WBP2: variants seen among roughly 807,000 people sequenced by gnomAD.
WBP2 encodes the protein WW domain binding protein 2, also known as WW domain-binding protein 2.
In WBP2, 23 loss-of-function variants were observed where a neutral mutation model predicts 33.0. The observed-to-expected ratio is 0.70, with a 90% CI of 0.50 to 0.99. The LOEUF is 0.99. Ranked by LOEUF, WBP2 falls within the 50% of genes least tolerant of loss-of-function variation. WBP2 has a pLI of 0.00. For missense variants in WBP2, 353 were observed against 358.0 expected (o/e 0.99, Z 0.11); for synonymous variants, 153 against 133.5 (o/e 1.15, Z -1.01).
At chr17:75,848,918 C>T (rs1470564693) in intron 3 of WBP2, 5 of 542,568 alleles carry the variant, frequency 9.2e-6, no homozygotes, top group Middle Eastern at 5.0e-4. Flanking sequence ...TGGAACAAGC[C>T]TGTCCTCCCA....
In WBP2 at chr17:75,851,585, A is replaced by G; in HGVS notation, c.151T>C (p.Tyr51His). The change falls in exon 2 of 8, where the codon TAC (tyrosine) becomes CAC (histidine). Residue 51 changes from tyrosine (Y) to histidine (H), a missense_variant. Physicochemically the swap from Tyr to His is moderately conservative, Grantham distance 83 (BLOSUM62 2). Coordinates refer to ENST00000254806, the MANE Select transcript of WBP2 (RefSeq NM_012478.4). Reference protein sequence around the residue: ...AFKGTKKGTVYLTPYRVIFLS... With the variant: ...AFKGTKKGTVHLTPYRVIFLS... ...CAACTCACCCGGTAAGGGGTAAGGTAGACAGTGCCTTTCTTGGTCCCTTTG... is the reference window on the plus strand; with the variant it reads ...CAACTCACCCGGTAAGGGGTAAGGTGGACAGTGCCTTTCTTGGTCCCTTTG... 6.2e-7 allele frequency: 1 copy of G among 1,613,498 alleles called. No individual in the cohort carries two copies. Among genetic ancestry groups the G allele is most frequent in the African/African-American group, 1.3e-5 (1 of 75,050 alleles).
At chr17:75,855,820 G>A (rs2065055624), upstream of WBP2, among the ~76,000 whole-genome samples, 1 of 152,266 alleles carries the variant, frequency 6.6e-6, no homozygotes, top group African/African-American at 2.4e-5. Context: ...CTCAGCAGAC[G>A]TTTATGGGGC....
At chr17:75,850,126 A>G (rs769671657) in intron 2 of WBP2, among the ~76,000 whole-genome samples, 27 of 152,212 alleles carry the variant, frequency 1.8e-4, no homozygotes, top group Non-Finnish European at 3.2e-4. Context: ...TGAACTCTCC[A>G]GAACTGAGAA....
rs1156559904 is a variant in WBP2 at position 75,847,619 on chromosome 17, G to A, written c.533-10C>T. On this transcript the variant is annotated splice_polypyrimidine_tract_variant and intron_variant, in intron 5 of 7. Coordinates refer to ENST00000254806, the MANE Select transcript of WBP2 (RefSeq NM_012478.4). Reference sequence around the variant, plus strand: ...GGTCCTGGATAGAACTCTGCTCGGTGAGAGAGTAACAAGGACATGGTGAGC... The same window carrying A: ...GGTCCTGGATAGAACTCTGCTCGGTAAGAGAGTAACAAGGACATGGTGAGC... 22 of 1,612,910 alleles carry A rather than the reference G, an allele frequency of 1.4e-5. No homozygotes were observed. The highest frequency in any genetic ancestry group is 1.9e-5 in the Non-Finnish European group (22 of 1,179,738).
In WBP2 at chr17:75,846,423, A is replaced by G; in HGVS notation, c.*311T>C. ...GGACTGCGGTGGAGGAGGTGGCCAG[A>G]GAGTCCCTTCGAGGGGAGAAGCTGA... On this transcript the variant is annotated 3_prime_UTR_variant, in exon 8 of 8. Coordinates refer to ENST00000254806, the MANE Select transcript of WBP2 (RefSeq NM_012478.4). The surrounding 1 kb of genome is among the most constrained non-coding windows in gnomAD (Gnocchi z 4.8). 1 of 443,556 alleles carries G rather than the reference A, an allele frequency of 2.3e-6. No homozygotes were observed. The highest frequency in any genetic ancestry group is 4.0e-5 in the Admixed American group (1 of 25,240). The allele number at this position is 443,556 out of a possible 1,614,324, so 27.5% of individuals were successfully genotyped here. A position where few individuals can be genotyped will look rare whatever the true frequency, so the allele number is the denominator to read the frequency against.
chr17:75,850,306 C>T (rs1475702114), intron 2 of WBP2, among the ~76,000 whole-genome samples: 7 of 150,458 alleles, frequency 4.7e-5, no homozygotes, highest in South Asian at 2.1e-4. Flanking sequence ...AGTGCAGTGG[C>T]GCGATCTTGG....
intron 1 of WBP2, 122 bp downstream of exon 1, chr17:75,855,117 C>G (rs943218032): frequency 1.0e-5 from 8 of 784,160 alleles, no homozygotes. Flanking sequence ...AGCCGTTCCC[C>G]ACCAACCTCA....
At chr17:75,853,600 C>T (rs1311360918) in intron 1 of WBP2, among the ~76,000 whole-genome samples, 1 of 152,144 alleles carries the variant, frequency 6.6e-6, no homozygotes, top group South Asian at 2.1e-4. Flanking sequence ...GGCCTGGGAA[C>T]TGACTCACAC....
chr17:75,847,335 C>CTT, intron 6 of WBP2, 152 bp downstream of exon 6: 4 of 1,281,168 alleles, frequency 3.1e-6, no homozygotes, highest in Non-Finnish European at 4.3e-6. Context: ...TCCGCTCCAC[C>CTT]AGGCCACAGC....
chr17:75,847,319 T>C, intron 6 of WBP2, 168 bp downstream of exon 6: 1 of 1,159,218 alleles, frequency 8.6e-7, no homozygotes, highest in Middle Eastern at 2.7e-4. Flanking sequence ...GGGGCCAGAA[T>C]CTAGCTCCGC....
At position 75,848,550 on chromosome 17, in the gene WBP2, A is replaced by G; in HGVS notation, c.397+20T>C. ...CATGTTTAGTGTGTCTTTAGCCCCT[A>G]ATCTTCGGAGCCTGGATACCTTGAG... On this transcript the variant is annotated intron_variant, in intron 4 of 7. Transcript: ENST00000254806. 2 of 1,610,190 alleles carry G rather than the reference A, an allele frequency of 1.2e-6. No individual in the cohort carries two copies. The highest frequency in any genetic ancestry group is 1.3e-5 in the African/African-American group (1 of 74,892).
intron 6 of WBP2, 179 bp from the exon 7 acceptor site, chr17:75,847,163 C>T: frequency 1.4e-6 from 1 of 708,678 alleles, no homozygotes; most frequent in Admixed American, 2.6e-5. Flanking sequence ...CTTTCCAGGC[C>T]CATCGCATGT....
At position 75,855,226 on chromosome 17, in the gene WBP2, G is replaced by A. The variant is rs747018692; in HGVS notation, c.59+13C>T. On this transcript the variant is annotated intron_variant, in intron 1 of 7. Coordinates refer to ENST00000254806, the MANE Select transcript of WBP2 (RefSeq NM_012478.4). The stretch of plus-strand genomic sequence containing the variant: ...AACTTTGGTCCTCCAGGATCCTTCC[G>A]CAGTGTTTTCACCTCTCGGTGTTAT... The A allele has an allele frequency of 6.9e-6, 10 of 1,444,332 alleles. No homozygotes were observed. Among genetic ancestry groups the A allele is most frequent in the Non-Finnish European group, 8.3e-6 (9 of 1,082,014 alleles). The allele number at this position is 1,444,332 out of a possible 1,614,324, so 89.5% of individuals were successfully genotyped here.
chr17:75,846,912 G>A lies in WBP2; in HGVS notation c.728C>T (p.Pro243Leu). Reference sequence around the variant, plus strand: ...GGCACTGCCAAGCCCTCTCACCGTGGGCATGTAGACGTTGTGAGGATTGCC... The same window carrying A: ...GGCACTGCCAAGCCCTCTCACCGTGAGCATGTAGACGTTGTGAGGATTGCC... ...NPGNPHNVYMPTSQPPPPPYY... is the reference protein window; with the variant it reads ...NPGNPHNVYMLTSQPPPPPYY... The change falls in exon 7 of 8, where the codon CCC (proline) becomes CTC (leucine). Residue 243 changes from proline (P) to leucine (L), a missense_variant. By Grantham distance (98) the Pro-to-Leu change is moderately conservative (BLOSUM62 -3). Coordinates refer to ENST00000254806, the MANE Select transcript of WBP2 (RefSeq NM_012478.4). The surrounding 1 kb of genome is among the most constrained non-coding windows in gnomAD (Gnocchi z 4.8). 2.5e-6 allele frequency: 4 copies of A among 1,614,140 alleles called. No individual in the cohort carries two copies. Among genetic ancestry groups the A allele is most frequent in the East Asian group, 2.2e-5 (1 of 44,878 alleles).
chr17:75,849,994 G>A (rs1189982951), intron 2 of WBP2, among the ~76,000 whole-genome samples: 7 of 152,200 alleles, frequency 4.6e-5, no homozygotes, highest in Admixed American at 4.6e-4. Flanking sequence ...AGGGCAGACT[G>A]CTTTGTCACT....
chr17:75,851,790 T>A (rs2065029368), intron 1 of WBP2, 114 bp from the exon 2 acceptor site: 1 of 755,760 alleles, frequency 1.3e-6, no homozygotes, highest in Admixed American at 1.9e-5. Context: ...TCATAACCTC[T>A]CAATAGTGCG....
rs1442392226 is a variant in WBP2, at chr17:75,846,924, T to C, written c.716A>G (p.Asn239Ser). 3.1e-6 allele frequency: 5 copies of C among 1,613,914 alleles called. No homozygotes were observed. The highest frequency in any genetic ancestry group is 4.2e-6 in the Non-Finnish European group (5 of 1,179,984). The change falls in exon 7 of 8, where the codon AAC (asparagine) becomes AGC (serine). Residue 239 changes from asparagine (N) to serine (S), a missense_variant. Asn to Ser is a conservative substitution (Grantham distance 46, BLOSUM62 1). Transcript: ENST00000254806. This position sits in a 1 kb window ranked among gnomAD's most constrained non-coding sequence, Gnocchi z 4.8. ...CCCTCTCACCGTGGGCATGTAGACG[T>C]TGTGAGGATTGCCTGGGTTGTAATA... ...SAYYNPGNPHNVYMPTSQPPP... is the reference protein window; with the variant it reads ...SAYYNPGNPHSVYMPTSQPPP...
intron 4 of WBP2, 148 bp from the exon 5 acceptor site, chr17:75,848,078 A>C: frequency 9.1e-7 from 1 of 1,099,374 alleles, no homozygotes; most frequent in Non-Finnish European, 1.3e-6. Flanking sequence ...CTCCACCCAT[A>C]CTCGGGGGGC....
At chr17:75,855,159 T>TTCC in intron 1 of WBP2, 80 bp downstream of exon 1, 10 of 964,058 alleles carry the variant, frequency 1.0e-5, no homozygotes, top group South Asian at 1.4e-5. Context: ...AGGGGCTTAT[T>TTCC]CCCCACCACC....
Sources: gnomAD v4.1 joint callset for allele counts (sites outside exome capture counted in the v4.1 genomes callset) on GRCh38, gnomAD v4.1.1 for gene constraint, Gnocchi (gnomAD v3.1) non-coding constraint, MANE v1.5 for transcripts, NCBI Gene and HGNC (gene_info 2026-07-23, HGNC 2026-07-21) for gene names.